The following DGCR2 variants were observed in gnomAD, a reference collection of about 807,000 sequenced individuals.
DGCR2 encodes DiGeorge syndrome critical region gene 2.
Under a neutral mutation model 51.6 loss-of-function variants are expected in DGCR2, and 24 were observed. The observed-to-expected ratio is 0.47, with a 90% CI of 0.34 to 0.65. The LOEUF (loss-of-function observed/expected upper bound fraction) is 0.65, where lower values mean the gene tolerates loss of function less well. Ranked by LOEUF, DGCR2 falls within the 30% of genes least tolerant of loss-of-function variation. DGCR2 has a pLI of 0.01. For synonymous variants in DGCR2, 340 were observed against 315.4 expected, an observed-to-expected ratio of 1.08 and a Z score of -0.82; for missense variants, 765 against 772.1, an observed-to-expected ratio of 0.99 and a Z score of 0.11.
chr22:19,040,953 A>G, intron 9 of DGCR2, 105 bp downstream of exon 9: 6 of 1,035,184 alleles, frequency 5.8e-6, no homozygotes, highest in Non-Finnish European at 8.4e-6. Context: ...AAAGCCGGAA[A>G]GAAGTGAGGT....
chr22:19,113,706 C>T (rs1385476390), intron 1 of DGCR2, among the ~76,000 whole-genome samples: 4 of 152,080 alleles, frequency 2.6e-5, no homozygotes, highest in Admixed American at 2.6e-4. Flanking sequence ...TTCCACTTGC[C>T]AAGTCAACCT....
At chr22:19,065,370 T>C (rs547391924) in intron 3 of DGCR2, among the ~76,000 whole-genome samples, 1 of 152,356 alleles carries the variant, frequency 6.6e-6, no homozygotes, top group South Asian at 2.1e-4. Context: ...TTTCATTCTC[T>C]GGGTTAACAA....
chr22:19,071,858 C>T (rs975575168), intron 2 of DGCR2, among the ~76,000 whole-genome samples: 18 of 152,064 alleles, frequency 1.2e-4, no homozygotes, highest in Non-Finnish European at 2.1e-4. Context: ...GGTAGAATAT[C>T]ATAATATCTG....
intron 4 of DGCR2, 41 bp from the exon 5 acceptor site, chr22:19,063,319 G>C (rs759637237): frequency 6.3e-7 from 1 of 1,579,176 alleles, no homozygotes; most frequent in Non-Finnish European, 8.7e-7. Context: ...TCAGCGGCAG[G>C]AGGGATGCAA....
In DGCR2 at chr22:19,057,283, C is replaced by G; in HGVS notation, c.626-121G>C. 6 of 1,087,754 alleles carry G rather than the reference C, an allele frequency of 5.5e-6. No individual in the cohort carries two copies. Among genetic ancestry groups the G allele is most frequent in the Non-Finnish European group, 7.7e-6 (6 of 778,966 alleles). 67.4% of individuals were successfully genotyped at this position (1,087,754 alleles called of 1,614,324 possible). On this transcript the variant is annotated intron_variant, in intron 5 of 9. Transcript: ENST00000263196. The surrounding 1 kb of genome is among the most constrained non-coding windows in gnomAD (Gnocchi z 5.1). ...ACCACAGGGCCTGGACCGCCAAGTACTGGTGGTCACTGTGGCCAGGTGTTC... is the reference window on the plus strand; with the variant it reads ...ACCACAGGGCCTGGACCGCCAAGTAGTGGTGGTCACTGTGGCCAGGTGTTC...
At chr22:19,118,533 A>C (rs967585609) in intron 1 of DGCR2, among the ~76,000 whole-genome samples, 8 of 152,038 alleles carry the variant, frequency 5.3e-5, no homozygotes, top group Admixed American at 5.2e-4. Context: ...CTGGGTCTGA[A>C]CCCACGCTCT....
chr22:19,055,655 A>G (rs528804059), intron 6 of DGCR2: 1 of 152,354 alleles, frequency 6.6e-6, no homozygotes, highest in African/African-American at 2.4e-5. Flanking sequence ...AGTTTAGAAA[A>G]CATATCCTAA....
chr22:19,066,885 G>C (rs964700557), intron 3 of DGCR2, among the ~76,000 whole-genome samples: 3 of 152,216 alleles, frequency 2.0e-5, no homozygotes, highest in Admixed American at 6.5e-5. Context: ...GCTGCACTGT[G>C]AACTGCCCCT....
At chr22:19,087,713 C>G (rs1432570210) in intron 2 of DGCR2, among the ~76,000 whole-genome samples, 1 of 137,502 alleles carries the variant, frequency 7.3e-6, no homozygotes, top group Non-Finnish European at 1.5e-5. Context: ...GAGACAGAGT[C>G]TTGTTCTGCA....
intron 5 of DGCR2, among the ~76,000 whole-genome samples, chr22:19,059,466 C>T (rs956391643): frequency 6.6e-6 from 1 of 151,968 alleles, no homozygotes; most frequent in African/African-American, 2.4e-5. Flanking sequence ...CACCCCCTTA[C>T]CTCAAACATC....
chr22:19,045,011 C>T (rs1347029331), intron 7 of DGCR2, among the ~76,000 whole-genome samples: 1 of 151,964 alleles, frequency 6.6e-6, no homozygotes, highest in Non-Finnish European at 1.5e-5. Flanking sequence ...TTTTAAGGAT[C>T]ATGCTAAAAA....
In DGCR2 at chr22:19,063,249, G is replaced by C. The variant is rs142760652; in HGVS notation, c.578C>G (p.Thr193Ser). ...KLWVGYQYVI[T>S]GRNRSLEGRW... ...ACCTTCCAAGGAGCGGTTCCGGCCA[G>C]TGATAACATACTGATAGCCAACCCA... Residue 193 changes from threonine (T) to serine (S), a missense_variant, in exon 5 of 10, where the codon ACT (threonine) becomes AGT (serine). Physicochemically the swap from Thr to Ser is moderately conservative, Grantham distance 58. Coordinates refer to ENST00000263196, the MANE Select transcript of DGCR2 (RefSeq NM_005137.3). 729 of 1,614,110 alleles carry C rather than the reference G, an allele frequency of 4.5e-4. 3 individuals are homozygous for C. The highest frequency in any genetic ancestry group is 5.0e-4 in the Admixed American group (30 of 60,010).
At chr22:19,062,480 C>A (rs749229858) in intron 5 of DGCR2, among the ~76,000 whole-genome samples, 1 of 152,184 alleles carries the variant, frequency 6.6e-6, no homozygotes. Flanking sequence ...AACAGCAGGA[C>A]TGGGATGTGT....
At chr22:19,063,004 G>A (rs890416707) in intron 5 of DGCR2, among the ~76,000 whole-genome samples, 198 bp downstream of exon 5, 3 of 152,118 alleles carry the variant, frequency 2.0e-5, no homozygotes, top group Non-Finnish European at 4.4e-5. Context: ...TCCAGAGACA[G>A]CCACCGCCCA....
At chr22:19,090,125 A>G (rs1428798959) in intron 1 of DGCR2, among the ~76,000 whole-genome samples, 1 of 152,244 alleles carries the variant, frequency 6.6e-6, no homozygotes, top group Non-Finnish European at 1.5e-5. Context: ...AGAAAAGATT[A>G]GTGACTTGAA....
chr22:19,100,051 A>G (rs2083184622), intron 1 of DGCR2, among the ~76,000 whole-genome samples: 2 of 151,706 alleles, frequency 1.3e-5, no homozygotes, highest in Admixed American at 1.3e-4. Flanking sequence ...AGGTAGGAGG[A>G]TCACTTGAGG....
chr22:19,054,580 A>G (rs2082581325), intron 6 of DGCR2, among the ~76,000 whole-genome samples: 1 of 152,188 alleles, frequency 6.6e-6, no homozygotes, highest in African/African-American at 2.4e-5. Context: ...TAGAAAACTA[A>G]TATAGTATAA....
chr22:19,077,249 G>A (rs2082888646), intron 2 of DGCR2, among the ~76,000 whole-genome samples: 1 of 152,160 alleles, frequency 6.6e-6, no homozygotes, highest in African/African-American at 2.4e-5. Flanking sequence ...AGTGTCTTAT[G>A]TAAGAAATCA....
At chr22:19,068,921 C>G (rs922388849) in intron 2 of DGCR2, among the ~76,000 whole-genome samples, 2 of 152,256 alleles carry the variant, frequency 1.3e-5, no homozygotes, top group Non-Finnish European at 2.9e-5. Flanking sequence ...CTTCCACCCA[C>G]ACACTCTCTT....
Sources: gnomAD v4.1 joint callset for allele counts (sites outside exome capture counted in the v4.1 genomes callset) on GRCh38, gnomAD v4.1.1 for gene constraint, Gnocchi (gnomAD v3.1) non-coding constraint, MANE v1.5 for transcripts, NCBI Gene and HGNC (gene_info 2026-07-23, HGNC 2026-07-21) for gene names.